The following PLEKHG1 variants were observed in gnomAD, a reference collection of about 807,000 sequenced individuals.
PLEKHG1 encodes the protein pleckstrin homology domain-containing family G member 1.
In PLEKHG1, 44 loss-of-function variants were observed where a neutral mutation model predicts 100.8. That is an observed-to-expected ratio of 0.44 (90% confidence interval 0.34 to 0.56). The LOEUF is 0.56. Among genes scored for constraint, PLEKHG1 ranks in the 20% least tolerant of loss-of-function variants. PLEKHG1 has a pLI of 0.01. For missense variants in PLEKHG1, 1,545 were observed against 1,720.9 expected (o/e 0.90, Z 1.81); for synonymous variants, 640 against 662.5 (o/e 0.97, Z 0.52).
intron 1 of PLEKHG1, among the ~76,000 whole-genome samples, chr6:150,622,261 G>A (rs192026134): frequency 1.5e-4 from 23 of 152,228 alleles, no homozygotes; most frequent in South Asian, 1.0e-3. Flanking sequence ...GGGTAATTTT[G>A]GCCCAAAGGT....
chr6:150,728,536 A>C (rs1161747295), intron 1 of PLEKHG1, among the ~76,000 whole-genome samples: 1 of 152,014 alleles, frequency 6.6e-6, no homozygotes, highest in Non-Finnish European at 1.5e-5. Flanking sequence ...TGATTGTGCC[A>C]CTGCACTCCA....
At chr6:150,666,980 G>A (rs556041038) in intron 3 of PLEKHG1, among the ~76,000 whole-genome samples, 8 of 152,146 alleles carry the variant, frequency 5.3e-5, no homozygotes, top group South Asian at 4.2e-4. Context: ...GGATGGTCTC[G>A]ATCTCCTGAC....
chr6:150,821,098 G>C (rs1220337645), intron 12 of PLEKHG1, 97 bp from the exon 14 acceptor site: 1 of 919,792 alleles, frequency 1.1e-6, no homozygotes, highest in Non-Finnish European at 1.8e-6. Flanking sequence ...ATAGAGCTCT[G>C]TTAATCTGTC....
At chr6:150,713,526 C>A (rs1355713244) in intron 3 of PLEKHG1, among the ~76,000 whole-genome samples, 1 of 152,156 alleles carries the variant, frequency 6.6e-6, no homozygotes, top group African/African-American at 2.4e-5. Context: ...GTTAAGCTGT[C>A]AACCTTATGA....
intron 2 of PLEKHG1, among the ~76,000 whole-genome samples, chr6:150,758,000 A>G (rs1783940222): frequency 6.6e-6 from 1 of 152,190 alleles, no homozygotes; most frequent in Non-Finnish European, 1.5e-5. Flanking sequence ...TTCCGGCTCC[A>G]TCCATGATTT....
At chr6:150,783,010 C>T (rs982505487) in intron 3 of PLEKHG1, among the ~76,000 whole-genome samples, 1 of 151,374 alleles carries the variant, frequency 6.6e-6, no homozygotes, top group Non-Finnish European at 1.5e-5. Flanking sequence ...ATCATCATGG[C>T]GAGTTTGGAA....
chr6:150,622,032 T>C (rs574657491), intron 1 of PLEKHG1, among the ~76,000 whole-genome samples: 20 of 152,262 alleles, frequency 1.3e-4, no homozygotes, highest in African/African-American at 4.3e-4. Flanking sequence ...TTCCCTTACT[T>C]CTCCCTAATA....
intron 3 of PLEKHG1, among the ~76,000 whole-genome samples, chr6:150,700,608 G>A (rs577711485): frequency 1.4e-4 from 21 of 152,264 alleles, no homozygotes; most frequent in African/African-American, 4.3e-4. Context: ...CTCTAATTCT[G>A]TACATCTGTG....
intron 3 of PLEKHG1, among the ~76,000 whole-genome samples, chr6:150,655,016 T>A (rs2128576696): frequency 6.6e-6 from 1 of 152,348 alleles, no homozygotes; most frequent in South Asian, 2.1e-4. Flanking sequence ...TTTTTAAAAA[T>A]ATGTAAAGTT....
exon 8 of PLEKHG1, chr6:150,809,180 T>G: frequency 6.2e-7 from 1 of 1,612,850 alleles, no homozygotes; most frequent in Non-Finnish European, 8.5e-7. Context: ...TGAGGGAACC[T>G]TCCGCATCCA....
In PLEKHG1 at chr6:150,614,293, C is replaced by T. The variant is rs567158783; in HGVS notation, c.-204+14276C>T. On this transcript the variant is annotated intron_variant, in intron 1 of 3. Transcript: ENST00000367326. ...GGGTCTGAAATCCCACCTCTCCTCC[C>T]CTTCTTGAACAGGCAATGAAGGTCA... Among the ~76,000 whole-genome samples, 8 of 152,284 alleles carry T rather than the reference C, an allele frequency of 5.3e-5. No homozygotes were observed. The East Asian group carries it at 9.7e-4, about 18-fold the overall frequency.
chr6:150,789,077 C>A (rs1785811288), intron 4 of PLEKHG1, among the ~76,000 whole-genome samples: 1 of 152,054 alleles, frequency 6.6e-6, no homozygotes, highest in Admixed American at 6.5e-5. Context: ...AGAGGAGGAC[C>A]CTGGGGCAGA....
chr6:150,831,853 C>A lies in PLEKHG1; in HGVS notation c.2742C>A (p.Asn914Lys), dbSNP rs1332587858. 6.2e-7 allele frequency: 1 copy of A among 1,613,248 alleles called. No homozygotes were observed. Among genetic ancestry groups the A allele is most frequent in the Non-Finnish European group, 8.5e-7 (1 of 1,179,558 alleles). ...GGGCTGGCAGAGCCAGCCGCGCCAA[C>A]TGCCCCTTTGAGGAAGACCTGATTT... is the stretch of plus-strand genomic sequence containing the variant. Residue 914 changes from asparagine to lysine, a missense_variant, in exon 15 of 16, where the codon AAC (asparagine) becomes AAA (lysine). Transcript: ENST00000358517. The surrounding 1 kb of genome is among the most constrained non-coding windows in gnomAD (Gnocchi z 4.1).
chr6:150,806,338 G>A (rs377509349), intron 7 of PLEKHG1, among the ~76,000 whole-genome samples: 31 of 144,690 alleles, frequency 2.1e-4, no homozygotes, highest in African/African-American at 7.9e-4. Flanking sequence ...CCCCCTATCC[G>A]CAGTTTCACT....
intron 3 of PLEKHG1, among the ~76,000 whole-genome samples, chr6:150,658,412 T>C (rs570625759): frequency 1.3e-5 from 2 of 152,346 alleles, no homozygotes; most frequent in African/African-American, 4.8e-5. Flanking sequence ...TGGCTTCTTA[T>C]AGTGTTGTAA....
rs113406346 is a variant in PLEKHG1, at chr6:150,785,400, A to G, written c.513-990A>G. On this transcript the variant is annotated intron_variant, in intron 3 of 15. Coordinates refer to ENST00000358517, the Ensembl canonical transcript of PLEKHG1. ...GAGTGCAATTTAGAAATGTGTTAACATTTACACTGAGAATGTTCTTTGACC... is the reference window on the plus strand; with the variant it reads ...GAGTGCAATTTAGAAATGTGTTAACGTTTACACTGAGAATGTTCTTTGACC... 2.1e-3 allele frequency among the ~76,000 whole-genome samples: 323 copies of G among 152,316 alleles called. 2 individuals are homozygous for G. The highest frequency in any genetic ancestry group is 7.5e-3 in the African/African-American group (310 of 41,564).
Position 150,795,838 on chromosome 6 carries a change from T to G in PLEKHG1, c.583-18T>G, listed in dbSNP as rs1482833326. 22 of 1,542,348 alleles carry G rather than the reference T, an allele frequency of 1.4e-5. No homozygotes were observed. The highest frequency in any genetic ancestry group is 1.9e-5 in the Non-Finnish European group (21 of 1,116,412). ...TTGTGCTTTGTTGCCTATAAAAATT[T>G]CTTTTGTTTCCTTGCAGAGTGAAGA... On this transcript the variant is annotated intron_variant, in intron 4 of 15. Coordinates refer to ENST00000358517, the Ensembl canonical transcript of PLEKHG1.
At chr6:150,677,283 T>TACACGCAC (rs756621195) in intron 3 of PLEKHG1, among the ~76,000 whole-genome samples, 1 of 134,138 alleles carries the variant, frequency 7.5e-6, no homozygotes, top group African/African-American at 2.5e-5. Flanking sequence ...TTTCTTCCCC[T>TACACGCAC]ATACACACAC....
Position 150,831,557 on chromosome 6 carries a change from C to T in PLEKHG1, c.2446C>T (p.Pro816Ser). 1 of 1,614,148 alleles carries T rather than the reference C, an allele frequency of 6.2e-7. No individual in the cohort carries two copies. The highest frequency in any genetic ancestry group is 8.5e-7 in the Non-Finnish European group (1 of 1,180,008). Residue 816 changes from proline to serine, a missense_variant, in exon 15 of 16, where the codon CCC becomes TCC. Pro to Ser is a moderately conservative substitution (Grantham distance 74). Transcript: ENST00000358517. This position sits in a 1 kb window ranked among gnomAD's most constrained non-coding sequence, Gnocchi z 4.1. ...TTATCTGAGTTTGCTGTATGACTCTCCCAGTGGTAACTTGTCTATGCCTCA... is the reference window on the plus strand; with the variant it reads ...TTATCTGAGTTTGCTGTATGACTCTTCCAGTGGTAACTTGTCTATGCCTCA...
Sources: gnomAD v4.1 joint callset for allele counts (sites outside exome capture counted in the v4.1 genomes callset) on GRCh38, gnomAD v4.1.1 for gene constraint, Gnocchi (gnomAD v3.1) non-coding constraint, MANE v1.5 for transcripts, NCBI Gene and HGNC (gene_info 2026-07-23, HGNC 2026-07-21) for gene names.